Variants in ALDH3B2 observed in about 807,000 individuals in gnomAD.
ALDH3B2 encodes the protein aldehyde dehydrogenase family 3 member B2.
ALDH3B2 carries 45 observed loss-of-function variants against 36.7 expected under a neutral mutation model. The ratio of observed to expected loss-of-function variants is 1.23; its 90% CI spans 0.97 to 1.57. ALDH3B2 has a LOEUF of 1.57. Ranked by LOEUF, ALDH3B2 falls within the 40% of genes most tolerant of loss-of-function variation. The pLI, the probability that ALDH3B2 is intolerant of heterozygous loss-of-function variation, is 0.00. For missense variants in ALDH3B2, 464 were observed against 513.3 expected (o/e 0.90, Z 0.93); for synonymous variants, 217 against 226.5 (o/e 0.96, Z 0.38).
chr11:67,668,461 C>A (rs1488297113), intron 1 of ALDH3B2, among the ~76,000 whole-genome samples: 1 of 152,172 alleles, frequency 6.6e-6, no homozygotes, highest in African/African-American at 2.4e-5. Flanking sequence ...GATTGCCAGG[C>A]ACCTAGCAAC....
intron 1 of ALDH3B2, chr11:67,671,343 A>T (rs1856104784): frequency 6.6e-6 from 1 of 152,292 alleles, no homozygotes; most frequent in East Asian, 1.9e-4. Context: ...ATGAGGAAAC[A>T]GATGGGGGCT....
At chr11:67,668,435 G>A (rs1756326598) in intron 1 of ALDH3B2, among the ~76,000 whole-genome samples, 1 of 152,164 alleles carries the variant, frequency 6.6e-6, no homozygotes, top group Admixed American at 6.5e-5. Context: ...AAGGGGCTCA[G>A]GGGGACACTC....
chr11:67,671,648 G>A (rs981949729), intron 1 of ALDH3B2, among the ~76,000 whole-genome samples: 9 of 150,298 alleles, frequency 6.0e-5, no homozygotes, highest in African/African-American at 2.2e-4. Context: ...CCAGGTTCAA[G>A]TAATTCTTCT....
intron 9 of ALDH3B2, 125 bp from the exon 10 acceptor site, chr11:67,663,524 G>A (rs1274164074): frequency 6.5e-6 from 9 of 1,384,320 alleles, no homozygotes; most frequent in Non-Finnish European, 9.0e-6. Flanking sequence ...CACTCACAGA[G>A]CCATTTTACA....
chr11:67,671,982 C>G lies in ALDH3B2; in HGVS notation c.-245+2455G>C, dbSNP rs191005423. ...CCTGTGACCTGGAAGCTGCCCCAAC[C>G]CTCACCCCCACCCCCTGCTTCAAGC... On this transcript the variant is annotated intron_variant, in intron 1 of 9. Transcript: ENST00000349015. Among the ~76,000 whole-genome samples, 749 of 145,664 alleles carry G rather than the reference C, an allele frequency of 5.1e-3. 3 individuals carry two copies. The highest frequency in any genetic ancestry group is 7.6e-3 in the Non-Finnish European group (508 of 66,858).
chr11:67,664,632 G>A, intron 7 of ALDH3B2, 70 bp from the exon 8 acceptor site: 1 of 1,575,052 alleles, frequency 6.3e-7, no homozygotes, highest in Non-Finnish European at 8.6e-7. Context: ...GGGTAGAGGT[G>A]GGGACAGGGG....
upstream of ALDH3B2, among the ~76,000 whole-genome samples, chr11:67,675,038 C>A (rs1856236244): frequency 6.6e-6 from 1 of 152,158 alleles, no homozygotes. Flanking sequence ...CTCTCCTGTC[C>A]TCACTCTTCA....
upstream of ALDH3B2, among the ~76,000 whole-genome samples, chr11:67,677,946 A>T (rs1478937839): frequency 5.9e-5 from 9 of 152,214 alleles, no homozygotes; most frequent in Non-Finnish European, 1.5e-5. Context: ...ACTACAAAAC[A>T]CTGCTAAAAG....
intron 1 of ALDH3B2, among the ~76,000 whole-genome samples, chr11:67,672,170 A>C (rs1372734526): frequency 6.5e-5 from 8 of 123,498 alleles, no homozygotes; most frequent in Non-Finnish European, 9.9e-5. Context: ...TTTTTGAGAC[A>C]GACTTTCTCT....
intron 1 of ALDH3B2, among the ~76,000 whole-genome samples, chr11:67,672,400 G>A (rs1264269200): frequency 6.6e-6 from 1 of 150,592 alleles, no homozygotes; most frequent in African/African-American, 2.4e-5. Context: ...GGTGATCCCT[G>A]CCTTGGCCTC....
At chr11:67,680,376 A>G (rs1856348326) in intron 1 of ALDH3B2, among the ~76,000 whole-genome samples, 1 of 152,218 alleles carries the variant, frequency 6.6e-6, no homozygotes, top group South Asian at 2.1e-4. Flanking sequence ...CTGATGGAAT[A>G]GATTCCTTTG....
chr11:67,673,565 GAC>G (rs1224941202), intron 1 of ALDH3B2, among the ~76,000 whole-genome samples: 1 of 152,208 alleles, frequency 6.6e-6, no homozygotes, highest in Admixed American at 6.5e-5. Context: ...TGAGAAATAA[GAC>G]ACACAGGAAG....
intron 1 of ALDH3B2, among the ~76,000 whole-genome samples, chr11:67,672,260 GC>G (rs1021540798): frequency 1.5e-4 from 22 of 149,880 alleles, no homozygotes; most frequent in African/African-American, 5.4e-4. Flanking sequence ...CGATTCTCCT[GC>G]CTCAGCCTCC....
chr11:67,678,397 TG>T (rs542930370), upstream of ALDH3B2, among the ~76,000 whole-genome samples: 1 of 152,132 alleles, frequency 6.6e-6, no homozygotes, highest in African/African-American at 2.4e-5. Flanking sequence ...CAAATGGTCC[TG>T]GGATAATTGG....
At position 67,666,119 on chromosome 11, in the gene ALDH3B2, C is replaced by T; in HGVS notation, c.319+3G>A. On this transcript the variant is annotated splice_donor_region_variant and intron_variant, in intron 6 of 9. Transcript: ENST00000349015. ...CTCTGGGACCCTGGCCTGGCCCCCT[C>T]ACCTGTGAAGAAGATGTAGTCCAAC... The T allele has an allele frequency of 5.6e-6, 9 of 1,614,122 alleles. No homozygotes were observed. The highest frequency in any genetic ancestry group is 7.6e-6 in the Non-Finnish European group (9 of 1,179,982).
At chr11:67,670,451 G>A (rs966742141) in intron 1 of ALDH3B2, among the ~76,000 whole-genome samples, 4 of 152,104 alleles carry the variant, frequency 2.6e-5, no homozygotes, top group African/African-American at 7.2e-5. Flanking sequence ...CCTCAGACCC[G>A]CATTGCTGAG....
chr11:67,667,325 G>C (rs1452699142), intron 2 of ALDH3B2, 148 bp downstream of exon 2: 1 of 387,116 alleles, frequency 2.6e-6, no homozygotes, highest in East Asian at 4.3e-5. Flanking sequence ...TCAGGTGCCT[G>C]CCACACTCCA....
intron 1 of ALDH3B2, among the ~76,000 whole-genome samples, chr11:67,670,296 CTG>C (rs550249939): frequency 7.5e-4 from 104 of 139,096 alleles, no homozygotes; most frequent in African/African-American, 2.5e-3. Context: ...GTATGGGTGT[CTG>C]TATGCGTATG....
At chr11:67,666,729 G>A in intron 3 of ALDH3B2, 35 bp from the exon 4 acceptor site, 1 of 1,612,768 alleles carries the variant, frequency 6.2e-7, no homozygotes, top group Non-Finnish European at 8.5e-7. Context: ...GCCCTGCCAA[G>A]GGCCACCCCA....
Sources: allele counts gnomAD v4.1 joint callset (sites outside exome capture counted in the v4.1 genomes callset), GRCh38; gene constraint gnomAD v4.1.1; transcripts MANE v1.5; gene names NCBI Gene and HGNC (gene_info 2026-07-23, HGNC 2026-07-21).